The following TSC22D1 variants were observed in gnomAD, a reference collection of about 807,000 sequenced individuals.
The protein encoded by TSC22D1 is TSC22 domain family member 1.
Under a neutral mutation model 74.2 loss-of-function variants are expected in TSC22D1, and 9 were observed. The ratio of observed to expected loss-of-function variants is 0.12; its 90% CI spans 0.07 to 0.21. The LOEUF (loss-of-function observed/expected upper bound fraction) is 0.21, where lower values mean the gene tolerates loss of function less well. Among genes scored for constraint, TSC22D1 ranks in the 10% least tolerant of loss-of-function variants. TSC22D1 has a pLI of 1.00. For synonymous variants in TSC22D1, 586 were observed against 492.5 expected, an observed-to-expected ratio of 1.19 and a Z score of -2.51; for missense variants, 1,427 against 1,304.7, an observed-to-expected ratio of 1.09 and a Z score of -1.44.
intron 1 of TSC22D1, chr13:44,537,816 G>A (rs1595146183): frequency 5.1e-6 from 5 of 984,954 alleles, no homozygotes; most frequent in Non-Finnish European, 4.8e-6. Context: ...GAAAGACTAA[G>A]TGCAGGTTAT....
intron 1 of TSC22D1, among the ~76,000 whole-genome samples, chr13:44,456,059 G>A (rs1045053550): frequency 2.0e-5 from 3 of 152,128 alleles, no homozygotes; most frequent in Non-Finnish European, 4.4e-5. Flanking sequence ...GAATAACTGA[G>A]CAATTGTATC....
rs1016049897 is a variant in TSC22D1, at chr13:44,436,862, G to C, written c.2913-767C>G. On this transcript the variant is annotated intron_variant, in intron 1 of 2. Transcript: ENST00000458659. The stretch of plus-strand genomic sequence containing the variant: ...CGGGCTCCACTCAGCTCTAGACCAG[G>C]ACTCCCAGTCTTAGTGCAAAATATA... 3 of 1,253,878 alleles carry C rather than the reference G, an allele frequency of 2.4e-6. No homozygotes were observed. In the African/African-American group the frequency reaches 4.6e-5, roughly 19 times the overall value. 77.7% of individuals were successfully genotyped at this position (1,253,878 alleles called of 1,614,324 possible).
Position 44,432,391 on chromosome 13 carries a change from G to GT in TSC22D1, c.*2234dup, listed in dbSNP as rs1427392977. Reference sequence around the variant, plus strand: ...TGGCTAGGGATTTCTATTCACTATAGTTTTTTCAAGGAAATGTAATTACTA... The same window carrying GT: ...TGGCTAGGGATTTCTATTCACTATAGTTTTTTTCAAGGAAATGTAATTACTA... On this transcript the variant is annotated 3_prime_UTR_variant, in exon 3 of 3. Coordinates refer to ENST00000458659, the MANE Select transcript of TSC22D1 (RefSeq NM_183422.4). 1.3e-5 allele frequency: 2 copies of GT among 152,110 alleles called. No individual in the cohort carries two copies. Among genetic ancestry groups the GT allele is most frequent in the Non-Finnish European group, 2.9e-5 (2 of 68,008 alleles). 9.4% of individuals were successfully genotyped at this position (152,110 alleles called of 1,614,324 possible).
intron 1 of TSC22D1, among the ~76,000 whole-genome samples, chr13:44,533,142 G>A (rs565798499): frequency 9.9e-5 from 15 of 152,186 alleles, no homozygotes; most frequent in Admixed American, 3.9e-4. Flanking sequence ...GCATGGGAGC[G>A]GGGGCCAGGC....
At chr13:44,456,377 G>A (rs923447645) in intron 1 of TSC22D1, among the ~76,000 whole-genome samples, 1 of 152,136 alleles carries the variant, frequency 6.6e-6, no homozygotes, top group African/African-American at 2.4e-5. Context: ...CGATTGGTCT[G>A]TTTTTACAGA....
chr13:44,445,173 A>G (rs928815160), intron 1 of TSC22D1, among the ~76,000 whole-genome samples: 4 of 151,976 alleles, frequency 2.6e-5, no homozygotes, highest in African/African-American at 9.7e-5. Flanking sequence ...TACTAGTAAA[A>G]TGACAGACAT....
Position 44,575,459 on chromosome 13 carries a change from G to T in TSC22D1, c.616C>A (p.Gln206Lys). 6.2e-7 allele frequency: 1 copy of T among 1,614,160 alleles called. No individual in the cohort carries two copies. Among genetic ancestry groups the T allele is most frequent in the Non-Finnish European group, 8.5e-7 (1 of 1,180,032 alleles). The change falls in exon 1 of 3, where the codon CAA (glutamine) becomes AAA (lysine). Residue 206 changes from glutamine (Q) to lysine (K), a missense_variant. Gln to Lys is a moderately conservative substitution (Grantham distance 53). This residue lies in a region of TSC22D1 where 1,343 missense variants were observed against 1,191.5 expected (regional missense o/e 1.13). Transcript: ENST00000458659. ...LPQPHLPHLPQQNVVINGNAH... is the reference protein window; with the variant it reads ...LPQPHLPHLPKQNVVINGNAH... ...TTCCCATTGATCACAACATTCTGTT[G>T]TGGAAGGTGAGGCAAATGAGGCTGA...
intron 1 of TSC22D1, among the ~76,000 whole-genome samples, chr13:44,499,140 C>T (rs375828221): frequency 6.6e-6 from 1 of 152,170 alleles, no homozygotes; most frequent in Admixed American, 6.5e-5. Flanking sequence ...ACTCCTGTAC[C>T]ACTATCTACC....
chr13:44,542,541 G>GA (rs752769924), intron 1 of TSC22D1, among the ~76,000 whole-genome samples: 59 of 152,086 alleles, frequency 3.9e-4, no homozygotes, highest in Non-Finnish European at 6.8e-4. Flanking sequence ...GCTCACTGGA[G>GA]AAAATGAATC....
In TSC22D1 at chr13:44,434,306, G is replaced by A. The variant is rs2138839066; in HGVS notation, c.*320C>T. The A allele has an allele frequency of 7.3e-7, 1 of 1,372,804 alleles. No individual in the cohort carries two copies. Among genetic ancestry groups the A allele is most frequent in the South Asian group, 1.8e-5 (1 of 54,592 alleles). 85.0% of individuals were successfully genotyped at this position (1,372,804 alleles called of 1,614,324 possible). On this transcript the variant is annotated 3_prime_UTR_variant, in exon 3 of 3. Transcript: ENST00000458659. Reference sequence around the variant, plus strand: ...GAGAACCCTTGGAAGTGAGGGGTAGGGAGCCGGAAGGGATGGAAAGGCACA... The same window carrying A: ...GAGAACCCTTGGAAGTGAGGGGTAGAGAGCCGGAAGGGATGGAAAGGCACA...
chr13:44,546,508 G>C (rs1018397128), intron 1 of TSC22D1, among the ~76,000 whole-genome samples: 4 of 152,110 alleles, frequency 2.6e-5, no homozygotes, highest in African/African-American at 9.7e-5. Flanking sequence ...GTCATGAAAG[G>C]AAAGAAAGAA....
intron 1 of TSC22D1, among the ~76,000 whole-genome samples, chr13:44,484,136 C>T (rs1004557897): frequency 6.6e-6 from 1 of 152,200 alleles, no homozygotes; most frequent in South Asian, 2.1e-4. Context: ...TACATACTAT[C>T]ACAAAGTTTG....
At chr13:44,568,598 A>C (rs1248157469) in intron 1 of TSC22D1, among the ~76,000 whole-genome samples, 1 of 152,186 alleles carries the variant, frequency 6.6e-6, no homozygotes, top group African/African-American at 2.4e-5. Flanking sequence ...TGGCCTCCCA[A>C]AGTGCTGGAA....
chr13:44,520,107 C>T (rs148233848), intron 1 of TSC22D1, among the ~76,000 whole-genome samples: 25 of 152,282 alleles, frequency 1.6e-4, no homozygotes, highest in East Asian at 1.2e-3. Flanking sequence ...GTTATAAACA[C>T]GAGTCATCTG....
chr13:44,459,387 A>C (rs1376844249), intron 1 of TSC22D1, among the ~76,000 whole-genome samples: 1 of 152,082 alleles, frequency 6.6e-6, no homozygotes, highest in Non-Finnish European at 1.5e-5. Context: ...ACACCTGGAC[A>C]CTTATTGGCA....
At chr13:44,567,758 G>T (rs1883478379) in intron 1 of TSC22D1, among the ~76,000 whole-genome samples, 1 of 151,982 alleles carries the variant, frequency 6.6e-6, no homozygotes, top group Admixed American at 6.6e-5. Context: ...GAGTTTAAGA[G>T]AGAAAAAATA....
chr13:44,443,459 G>A (rs1359737193), intron 1 of TSC22D1, among the ~76,000 whole-genome samples: 1 of 152,070 alleles, frequency 6.6e-6, no homozygotes, highest in Non-Finnish European at 1.5e-5. Flanking sequence ...GATACCAGAT[G>A]AAAAAACTAG....
chr13:44,557,814 A>G (rs1882781299), intron 1 of TSC22D1, among the ~76,000 whole-genome samples: 1 of 152,222 alleles, frequency 6.6e-6, no homozygotes, highest in Non-Finnish European at 1.5e-5. Context: ...AGACCACTAG[A>G]AGGCCAGTAA....
At chr13:44,474,979 C>A (rs1381968511) in intron 1 of TSC22D1, among the ~76,000 whole-genome samples, 1 of 151,900 alleles carries the variant, frequency 6.6e-6, no homozygotes, top group African/African-American at 2.4e-5. Flanking sequence ...CTTATTGGAG[C>A]AGAGGTGGGG....
Sources: allele counts gnomAD v4.1 joint callset (sites outside exome capture counted in the v4.1 genomes callset), GRCh38; gene constraint gnomAD v4.1.1; regional missense constraint gnomAD v4.1.1; transcripts MANE v1.5; gene names NCBI Gene and HGNC (gene_info 2026-07-23, HGNC 2026-07-21).